Variants in FSD1L observed in about 807,000 individuals in gnomAD.
The protein encoded by FSD1L is fibronectin type III and SPRY domain containing 1 like.
A neutral mutation model predicts 71.6 loss-of-function variants in FSD1L; 45 were observed. The observed-to-expected ratio is 0.63, with a 90% CI of 0.49 to 0.81. The LOEUF (loss-of-function observed/expected upper bound fraction) is 0.81. FSD1L is among the 30% of genes least tolerant of loss of function. The pLI is 0.00. For missense variants in FSD1L, 561 were observed against 618.1 expected, an observed-to-expected ratio of 0.91 and a Z score of 0.98; for synonymous variants, 197 against 207.2, an observed-to-expected ratio of 0.95 and a Z score of 0.42.
chr9:105,494,144 G>C (rs1833171745), intron 7 of FSD1L, among the ~76,000 whole-genome samples: 2 of 152,174 alleles, frequency 1.3e-5, no homozygotes, highest in Non-Finnish European at 2.9e-5. Context: ...ACACCAATCA[G>C]ACATAGATTT....
chr9:105,487,445 A>G (rs982944745), intron 7 of FSD1L, among the ~76,000 whole-genome samples: 17 of 151,032 alleles, frequency 1.1e-4, no homozygotes, highest in Non-Finnish European at 1.9e-4. Context: ...TTCCTATTCT[A>G]ATAGGTGACA....
Position 105,546,446 on chromosome 9 carries a change from G to A in FSD1L, c.1556G>A (p.Gly519Asp). 1 of 1,550,238 alleles carries A rather than the reference G, an allele frequency of 6.5e-7. No individual in the cohort carries two copies. The highest frequency in any genetic ancestry group is 1.4e-5 in the African/African-American group (1 of 73,050). The change falls in exon 14 of 14, where the codon GGT becomes GAT. Residue 519 changes from glycine (G) to aspartate (D), a missense_variant. By Grantham distance (94) the Gly-to-Asp change is moderately conservative. Transcript: ENST00000481272. Reference protein sequence around the residue: ...TLQKSENGMTGSASSLNNVVT... With the variant: ...TLQKSENGMTDSASSLNNVVT... ...CAGAAAAGTGAAAATGGAATGACTG[G>A]TTCAGCTAGCAGCCTGAACAATGTT...
rs1256012077 is a variant in FSD1L, at chr9:105,468,229, G to A, written c.244G>A (p.Glu82Lys). The A allele has an allele frequency of 6.9e-7, 1 of 1,441,070 alleles. No individual in the cohort carries two copies. The highest frequency in any genetic ancestry group is 1.5e-5 in the South Asian group (1 of 65,232). The allele number at this position is 1,441,070 out of a possible 1,614,324, so 89.3% of individuals were successfully genotyped here. A position where few individuals can be genotyped will look rare whatever the true frequency, so the allele number is the denominator to read the frequency against. Residue 82 changes from glutamate (E) to lysine (K), a missense_variant, in exon 4 of 14, where the codon GAA becomes AAA. Transcript: ENST00000481272. ...CAACATACTCTCAGAGTTAGATGAAGAATTTGATAGTTTATACTCTATACT... is the reference window on the plus strand; with the variant it reads ...CAACATACTCTCAGAGTTAGATGAAAAATTTGATAGTTTATACTCTATACT... ...SSNILSELDE[E>K]FDSLYSILDE...
intron 7 of FSD1L, among the ~76,000 whole-genome samples, chr9:105,495,502 AC>A (rs1833315768): frequency 6.6e-6 from 1 of 152,054 alleles, no homozygotes; most frequent in South Asian, 2.1e-4. Context: ...GGTGCGCTGC[AC>A]CCACTGTCCT....
chr9:105,443,030 A>C (rs552379932), upstream of FSD1L, among the ~76,000 whole-genome samples: 18 of 152,334 alleles, frequency 1.2e-4, no homozygotes, highest in Admixed American at 1.0e-3. Context: ...AAATACTCAC[A>C]GTTGCTTTAG....
chr9:105,452,669 G>GCCTGCCTGCCTT lies in FSD1L; in HGVS notation c.15+4437_15+4438insGCCTGCCTTCCT, dbSNP rs1191519308. On this transcript the variant is annotated intron_variant, in intron 1 of 13. Transcript: ENST00000481272. ...TGCCTGCCTGCCTGCCTGCCTGCCT[G>GCCTGCCTGCCTT]CCTTCCTTCCTTCCTTCCTTCCTTC... Among the ~76,000 whole-genome samples, 714 of 96,104 alleles carry GCCTGCCTGCCTT rather than the reference G, an allele frequency of 7.4e-3. 6 individuals carry two copies. Among genetic ancestry groups the GCCTGCCTGCCTT allele is most frequent in the African/African-American group, 0.021 (500 of 23,504 alleles). 63.0% of individuals were successfully genotyped at this position (96,104 alleles called of 152,430 possible).
At chr9:105,475,591 G>T (rs1279174637) in intron 5 of FSD1L, among the ~76,000 whole-genome samples, 1 of 152,078 alleles carries the variant, frequency 6.6e-6, no homozygotes, top group Non-Finnish European at 1.5e-5. Context: ...AAGCGTGAAT[G>T]TTTCAGTTTT....
At chr9:105,529,887 T>TTGAA (rs1483032056) in intron 10 of FSD1L, among the ~76,000 whole-genome samples, 1 of 152,068 alleles carries the variant, frequency 6.6e-6, no homozygotes, top group Admixed American at 6.6e-5. Context: ...GAAGTGGTAT[T>TTGAA]TAGGCCGGTT....
chr9:105,500,442 G>T (rs1176025884), intron 7 of FSD1L, among the ~76,000 whole-genome samples: 1 of 152,132 alleles, frequency 6.6e-6, no homozygotes, highest in Non-Finnish European at 1.5e-5. Context: ...GTTGGTCTGG[G>T]TATTTCCCTT....
At chr9:105,479,402 T>G in intron 6 of FSD1L, 26 bp downstream of exon 6, 2 of 1,518,162 alleles carry the variant, frequency 1.3e-6, no homozygotes, top group Non-Finnish European at 1.8e-6. Context: ...CATTTTTACT[T>G]AAGTATAAAT....
At chr9:105,500,099 T>C (rs1387366152) in intron 7 of FSD1L, among the ~76,000 whole-genome samples, 1 of 152,246 alleles carries the variant, frequency 6.6e-6, no homozygotes, top group Admixed American at 6.5e-5. Context: ...CTCCATTTTA[T>C]GCTCTCTGCT....
At chr9:105,453,094 A>C (rs11792320) in intron 1 of FSD1L, among the ~76,000 whole-genome samples, 2 of 130,022 alleles carry the variant, frequency 1.5e-5, no homozygotes, top group Non-Finnish European at 3.1e-5. Flanking sequence ...TAGTGAAAAT[A>C]GTTGATAGAT....
chr9:105,446,066 G>C (rs1829635760), upstream of FSD1L, among the ~76,000 whole-genome samples: 1 of 152,046 alleles, frequency 6.6e-6, no homozygotes, highest in South Asian at 2.1e-4. Flanking sequence ...CAGACTCTGA[G>C]CTGGGGATAC....
intron 7 of FSD1L, among the ~76,000 whole-genome samples, chr9:105,492,794 A>G (rs1249379299): frequency 6.6e-6 from 1 of 152,070 alleles, no homozygotes; most frequent in Admixed American, 6.5e-5. Context: ...TTCAGTTTCC[A>G]TGTAGTTGAA....
At chr9:105,482,723 G>T (rs1042341985) in intron 6 of FSD1L, among the ~76,000 whole-genome samples, 2 of 152,020 alleles carry the variant, frequency 1.3e-5, no homozygotes, top group Non-Finnish European at 2.9e-5. Flanking sequence ...AATAAGAGTT[G>T]TTCTTGTTTT....
Position 105,552,294 on chromosome 9 carries a change from TG to T in FSD1L, c.*5812del, listed in dbSNP as rs943527399. 10 of 150,796 alleles carry T rather than the reference TG, an allele frequency of 6.6e-5. No individual in the cohort carries two copies. Among genetic ancestry groups the T allele is most frequent in the African/African-American group, 1.7e-4 (7 of 40,768 alleles). The allele number at this position is 150,796 out of a possible 1,614,324, so 9.3% of individuals were successfully genotyped here. On this transcript the variant is annotated 3_prime_UTR_variant, in exon 14 of 14. Coordinates refer to ENST00000481272, the MANE Select transcript of FSD1L (RefSeq NM_001145313.3). ...GAAACAAGACAAAGCCTTTTTAAAA[TG>T]TTTTTTTTTCACTTTAAAATAGGGT...
At chr9:105,452,673 T>TGCCTGCCTGCCTG (rs1564073401) in intron 1 of FSD1L, among the ~76,000 whole-genome samples, 54 of 79,706 alleles carry the variant, frequency 6.8e-4, no homozygotes, top group African/African-American at 3.3e-3. Context: ...CTGCCTGCCT[T>TGCCTGCCTGCCTG]CCTTCCTTCC....
At chr9:105,521,174 T>C in intron 10 of FSD1L, 2 of 1,614,124 alleles carry the variant, frequency 1.2e-6, no homozygotes, top group South Asian at 1.1e-5. Flanking sequence ...TTGTCATTCG[T>C]TGGCTGGTTT....
chr9:105,461,666 A>G, intron 2 of FSD1L, 51 bp downstream of exon 2: 1 of 1,102,374 alleles, frequency 9.1e-7, no homozygotes, highest in South Asian at 1.4e-5. Context: ...TCTGATTCAA[A>G]ATTAGAGCAT....
Sources: gnomAD v4.1 joint callset for allele counts (sites outside exome capture counted in the v4.1 genomes callset) on GRCh38, gnomAD v4.1.1 for gene constraint, MANE v1.5 for transcripts, NCBI Gene and HGNC (gene_info 2026-07-23, HGNC 2026-07-21) for gene names.